Variants in SPOCK3 observed in about 807,000 individuals in gnomAD.
The protein encoded by SPOCK3 is SPARC (osteonectin), cwcv and kazal like domains proteoglycan 3, also known as testican-3.
In SPOCK3, 30 loss-of-function variants were observed where a neutral mutation model predicts 56.6. The ratio of observed to expected loss-of-function variants is 0.53; its 90% CI spans 0.40 to 0.72. The LOEUF (loss-of-function observed/expected upper bound fraction) is 0.72, where lower values mean the gene tolerates loss of function less well. Among genes scored for constraint, SPOCK3 ranks in the 30% least tolerant of loss-of-function variants. The pLI, the probability that SPOCK3 is intolerant of heterozygous loss-of-function variation, is 0.00. For missense variants in SPOCK3, 527 were observed against 530.0 expected (o/e 0.99, Z 0.06); for synonymous variants, 196 against 183.3 (o/e 1.07, Z -0.56).
intron 2 of SPOCK3, among the ~76,000 whole-genome samples, chr4:167,063,422 T>C (rs1244964948): frequency 6.6e-6 from 1 of 151,850 alleles, no homozygotes; most frequent in Non-Finnish European, 1.5e-5. Context: ...GAGTAGCACA[T>C]CATGGTGAAG....
Position 166,973,917 on chromosome 4 carries a change from C to A in SPOCK3, c.350+26432G>T, listed in dbSNP as rs542454381. ...TATATATACACATTTTTAAAAAAAT[C>A]TTTACTTATGGAAATCAGTTGGCTA... On this transcript the variant is annotated intron_variant, in intron 4 of 10. Transcript: ENST00000357545. Among the ~76,000 whole-genome samples, 6 of 152,122 alleles carry A rather than the reference C, an allele frequency of 3.9e-5. No homozygotes were observed. In the South Asian group the frequency reaches 1.0e-3, roughly 26 times the overall value.
chr4:166,927,664 T>C (rs1452236475), intron 4 of SPOCK3, among the ~76,000 whole-genome samples: 1 of 152,080 alleles, frequency 6.6e-6, no homozygotes, highest in Non-Finnish European at 1.5e-5. Context: ...TCACCTCGGT[T>C]TTGGAAAGTT....
chr4:166,922,148 A>G (rs1738565321), intron 4 of SPOCK3, among the ~76,000 whole-genome samples: 1 of 152,114 alleles, frequency 6.6e-6, no homozygotes, highest in Admixed American at 6.6e-5. Context: ...TCTGAGGTGA[A>G]ACAGTTTCAT....
At chr4:166,940,144 T>C (rs913188054) in intron 4 of SPOCK3, among the ~76,000 whole-genome samples, 4 of 152,212 alleles carry the variant, frequency 2.6e-5, no homozygotes, top group African/African-American at 4.8e-5. Context: ...ACATCTTTTC[T>C]ACTATTGCTA....
intron 2 of SPOCK3, among the ~76,000 whole-genome samples, chr4:167,110,065 A>T (rs921391969): frequency 6.6e-5 from 10 of 152,004 alleles, no homozygotes; most frequent in African/African-American, 2.4e-4. Context: ...TCTTTAAGCC[A>T]CATCTAACCC....
At chr4:167,164,428 CT>C (rs915450644) in intron 2 of SPOCK3, among the ~76,000 whole-genome samples, 3 of 151,746 alleles carry the variant, frequency 2.0e-5, no homozygotes, top group African/African-American at 7.3e-5. Flanking sequence ...ATCACAAATT[CT>C]TTTTTTTAAT....
chr4:167,099,095 T>A (rs1759414247), intron 2 of SPOCK3, among the ~76,000 whole-genome samples: 1 of 152,066 alleles, frequency 6.6e-6, no homozygotes, highest in South Asian at 2.1e-4. Flanking sequence ...ATGTAGTAAA[T>A]GAATAAAAAT....
intron 2 of SPOCK3, among the ~76,000 whole-genome samples, chr4:167,218,052 T>G (rs991744802): frequency 2.0e-5 from 3 of 152,252 alleles, no homozygotes; most frequent in Admixed American, 1.3e-4. Context: ...GAACAAACTT[T>G]TTTTAATTAC....
chr4:167,164,982 A>AT (rs1765634040), intron 2 of SPOCK3, among the ~76,000 whole-genome samples: 1 of 152,122 alleles, frequency 6.6e-6, no homozygotes, highest in African/African-American at 2.4e-5. Context: ...GTCAAATGAT[A>AT]TATCTGGTTC....
intron 5 of SPOCK3, among the ~76,000 whole-genome samples, chr4:166,891,885 T>C (rs954832802): frequency 6.6e-6 from 1 of 151,954 alleles, no homozygotes; most frequent in African/African-American, 2.4e-5. Context: ...TAGCTAATAT[T>C]ACATTTTACC....
chr4:167,065,930 C>A (rs1756081826), intron 2 of SPOCK3, among the ~76,000 whole-genome samples: 1 of 151,804 alleles, frequency 6.6e-6, no homozygotes, highest in Non-Finnish European at 1.5e-5. Flanking sequence ...TGAAACCAAT[C>A]CTGAATGTTT....
chr4:166,736,779 A>G (rs1191082134), intron 10 of SPOCK3, among the ~76,000 whole-genome samples: 3 of 151,948 alleles, frequency 2.0e-5, no homozygotes, highest in Non-Finnish European at 4.4e-5. Flanking sequence ...ATACCAAGAA[A>G]ATTGACACTT....
intron 3 of SPOCK3, among the ~76,000 whole-genome samples, chr4:167,057,690 A>C (rs1755059845): frequency 6.6e-6 from 1 of 152,234 alleles, no homozygotes; most frequent in Non-Finnish European, 1.5e-5. Flanking sequence ...GAGACAAAGA[A>C]GGCCATTACT....
chr4:166,771,971 T>C (rs192964328), intron 7 of SPOCK3, among the ~76,000 whole-genome samples: 3 of 152,166 alleles, frequency 2.0e-5, no homozygotes, highest in Admixed American at 2.0e-4. Flanking sequence ...GCATGCTTGG[T>C]AAAATTGCAA....
intron 3 of SPOCK3, among the ~76,000 whole-genome samples, chr4:167,047,411 T>C (rs975860196): frequency 1.3e-5 from 2 of 152,222 alleles, no homozygotes; most frequent in African/African-American, 4.8e-5. Context: ...TCATATTGAT[T>C]GATAACTAGT....
chr4:166,742,230 CTATCATCTATCTATCTATCTATCTATCT>C (rs749870412), intron 8 of SPOCK3, among the ~76,000 whole-genome samples, 171 bp from the exon 9 acceptor site: 1 of 144,972 alleles, frequency 6.9e-6, no homozygotes, highest in African/African-American at 2.5e-5. Context: ...ATGTGTCTAT[CTATCATCTATCTATCTATCTATCTATCT>C]ATCTATCTAT....
intron 2 of SPOCK3, among the ~76,000 whole-genome samples, chr4:167,152,931 C>T (rs971853607): frequency 3.3e-5 from 5 of 152,004 alleles, no homozygotes; most frequent in Admixed American, 6.6e-5. Context: ...TTAGCATGCA[C>T]GAAAGTGAAC....
chr4:167,010,158 C>T (rs142754600), intron 3 of SPOCK3, among the ~76,000 whole-genome samples: 341 of 152,116 alleles, frequency 2.2e-3, no homozygotes, highest in Middle Eastern at 3.4e-3. Context: ...AGTGAATTTA[C>T]GAGTTAATGG....
At chr4:167,142,044 T>C (rs1163685719) in intron 2 of SPOCK3, among the ~76,000 whole-genome samples, 1 of 152,048 alleles carries the variant, frequency 6.6e-6, no homozygotes, top group African/African-American at 2.4e-5. Flanking sequence ...ATTTCCAATT[T>C]AGAGTTTTTT....
Sources: allele counts gnomAD v4.1 joint callset (sites outside exome capture counted in the v4.1 genomes callset), GRCh38; gene constraint gnomAD v4.1.1; transcripts MANE v1.5; gene names NCBI Gene and HGNC (gene_info 2026-07-23, HGNC 2026-07-21).